SUMF1: variants seen among roughly 807,000 people sequenced by gnomAD.
SUMF1 encodes sulfatase modifying factor 1, also known as formylglycine-generating enzyme.
In SUMF1, 48 loss-of-function variants were observed where a neutral mutation model predicts 47.6. The ratio of observed to expected loss-of-function variants is 1.01; its 90% confidence interval spans 0.80 to 1.28. The LOEUF (loss-of-function observed/expected upper bound fraction) is 1.28. Ranked by LOEUF, SUMF1 falls within the 50% of genes most tolerant of loss-of-function variation. The pLI, the probability that SUMF1 is intolerant of heterozygous loss-of-function variation, is 0.00. For synonymous variants in SUMF1, 230 were observed against 192.1 expected, an observed-to-expected ratio of 1.20 and a Z score of -1.63; for missense variants, 571 against 485.4, an observed-to-expected ratio of 1.18 and a Z score of -1.66.
intron 8 of SUMF1, among the ~76,000 whole-genome samples, chr3:4,178,076 GA>G (rs1695007068): frequency 6.6e-6 from 1 of 152,096 alleles, no homozygotes; most frequent in Non-Finnish European, 1.5e-5. Context: ...AAAAGTCCAG[GA>G]CCAGACAGAT....
chr3:4,074,364 C>G (rs1692362049), intron 8 of SUMF1, among the ~76,000 whole-genome samples: 1 of 152,072 alleles, frequency 6.6e-6, no homozygotes, highest in Non-Finnish European at 1.5e-5. Context: ...ATTTATAGCA[C>G]TAAATGCCCA....
chr3:4,038,902 T>C (rs1010111930), intron 9 of SUMF1, among the ~76,000 whole-genome samples: 5 of 152,142 alleles, frequency 3.3e-5, no homozygotes, highest in African/African-American at 1.2e-4. Context: ...AGACAATGCT[T>C]AATTCAAGAA....
chr3:4,142,471 A>G (rs1694094143), intron 8 of SUMF1, among the ~76,000 whole-genome samples: 1 of 152,150 alleles, frequency 6.6e-6, no homozygotes, highest in Non-Finnish European at 1.5e-5. Flanking sequence ...GATATCATAT[A>G]TTTTGTAATC....
At chr3:4,046,452 C>A (rs1288358990) in intron 9 of SUMF1, among the ~76,000 whole-genome samples, 2 of 152,138 alleles carry the variant, frequency 1.3e-5, no homozygotes, top group Non-Finnish European at 2.9e-5. Flanking sequence ...ACTGGCCTAA[C>A]CCATAAATTC....
chr3:4,189,594 G>T lies in SUMF1; in HGVS notation c.1015-120849C>A, dbSNP rs531622080. On this transcript the variant is annotated intron_variant and NMD_transcript_variant, in intron 8 of 12. Coordinates refer to the SUMF1 transcript ENST00000448413. Reference sequence around the variant, plus strand: ...AGACTGCTGATGGGTTAGGCAAGAGGATACAGATGCTGTGACAAGGCAAAT... The same window carrying T: ...AGACTGCTGATGGGTTAGGCAAGAGTATACAGATGCTGTGACAAGGCAAAT... Among the ~76,000 whole-genome samples the T allele has an allele frequency of 8.1e-4, 124 of 152,184 alleles. 1 individual carries two copies. The highest frequency in any genetic ancestry group is 3.4e-3 in the Middle Eastern group (1 of 294).
intron 8 of SUMF1, among the ~76,000 whole-genome samples, chr3:4,283,650 T>C (rs1029126012): frequency 2.6e-5 from 4 of 152,216 alleles, no homozygotes; most frequent in Non-Finnish European, 4.4e-5. Context: ...AAAAGCATAA[T>C]AGAAGTCTAA....
chr3:4,454,298 A>G (rs1441214770), intron 1 of SUMF1, among the ~76,000 whole-genome samples: 2 of 152,240 alleles, frequency 1.3e-5, no homozygotes, highest in African/African-American at 2.4e-5. Flanking sequence ...TCTGAGGATG[A>G]CACTGAAAAT....
At chr3:4,192,549 T>A (rs542126478) in intron 8 of SUMF1, among the ~76,000 whole-genome samples, 2 of 152,268 alleles carry the variant, frequency 1.3e-5, no homozygotes, top group South Asian at 2.1e-4. Context: ...TACTATTGTA[T>A]AATAAAGAAT....
chr3:4,372,577 G>A (rs142970292), intron 8 of SUMF1, among the ~76,000 whole-genome samples: 260 of 152,226 alleles, frequency 1.7e-3, no homozygotes, highest in African/African-American at 5.8e-3. Flanking sequence ...AACTTTTACT[G>A]AGCCTTTACC....
intron 7 of SUMF1, among the ~76,000 whole-genome samples, chr3:4,406,056 G>A (rs568354461): frequency 4.0e-5 from 6 of 149,612 alleles, no homozygotes; most frequent in Admixed American, 2.7e-4. Flanking sequence ...GCCCCACACC[G>A]CCCGCCCCAT....
At chr3:4,279,882 A>G (rs1016510137) in intron 8 of SUMF1, among the ~76,000 whole-genome samples, 1 of 152,186 alleles carries the variant, frequency 6.6e-6, no homozygotes, top group Admixed American at 6.5e-5. Flanking sequence ...TGCATGTACT[A>G]TATCTTATGA....
chr3:4,262,928 A>G (rs1697116424), intron 8 of SUMF1, among the ~76,000 whole-genome samples: 1 of 152,150 alleles, frequency 6.6e-6, no homozygotes, highest in Non-Finnish European at 1.5e-5. Flanking sequence ...GAAACAACCA[A>G]AGCACAACTA....
intron 8 of SUMF1, among the ~76,000 whole-genome samples, chr3:4,177,334 A>C (rs1253220301): frequency 1.3e-5 from 2 of 152,208 alleles, no homozygotes; most frequent in Non-Finnish European, 2.9e-5. Flanking sequence ...ATCACAAAAA[A>C]CTGTCTCTCA....
chr3:4,251,949 A>C (rs1446705386), intron 8 of SUMF1, among the ~76,000 whole-genome samples: 1 of 152,210 alleles, frequency 6.6e-6, no homozygotes, highest in Non-Finnish European at 1.5e-5. Context: ...GTGTAAACAT[A>C]AATTCTATAT....
At chr3:4,340,691 A>G (rs754521403) in intron 8 of SUMF1, among the ~76,000 whole-genome samples, 2 of 152,198 alleles carry the variant, frequency 1.3e-5, no homozygotes, top group Non-Finnish European at 2.9e-5. Context: ...TTAAGAGGCA[A>G]CAGTGACAGG....
At chr3:4,225,832 T>C (rs1319763363) in intron 8 of SUMF1, among the ~76,000 whole-genome samples, 1 of 152,128 alleles carries the variant, frequency 6.6e-6, no homozygotes, top group Non-Finnish European at 1.5e-5. Flanking sequence ...CTTAGAAAAG[T>C]ACATCAAAAT....
At chr3:4,151,391 ATATATATGTATATG>A (rs1162923131) in intron 8 of SUMF1, among the ~76,000 whole-genome samples, 2 of 83,242 alleles carry the variant, frequency 2.4e-5, no homozygotes, top group East Asian at 5.4e-4. Context: ...ATATATATGT[ATATATATGTATATG>A]TATATATGTA....
At chr3:4,424,254 C>T (rs1359959802) in intron 3 of SUMF1, among the ~76,000 whole-genome samples, 1 of 152,180 alleles carries the variant, frequency 6.6e-6, no homozygotes, top group Non-Finnish European at 1.5e-5. Flanking sequence ...GCTATACACA[C>T]ACCTACTCAC....
chr3:4,268,689 A>G (rs1196485757), intron 8 of SUMF1, among the ~76,000 whole-genome samples: 1 of 152,056 alleles, frequency 6.6e-6, no homozygotes, highest in Admixed American at 6.6e-5. Context: ...ATTAAAAAAA[A>G]AATCTATCCA....
Sources: gnomAD v4.1 joint callset for allele counts (sites outside exome capture counted in the v4.1 genomes callset) on GRCh38, gnomAD v4.1.1 for gene constraint, MANE v1.5 for transcripts, NCBI Gene and HGNC (gene_info 2026-07-23, HGNC 2026-07-21) for gene names.